Variants in AKAP7 observed in about 807,000 individuals in gnomAD.
AKAP7 encodes the protein A kinase (PRKA) anchor protein 7.
Under a neutral mutation model 39.5 loss-of-function variants are expected in AKAP7, and 39 were observed. That is an observed-to-expected ratio of 0.99 (90% CI 0.76 to 1.29). The LOEUF (loss-of-function observed/expected upper bound fraction) is 1.29, where lower values mean the gene tolerates loss of function less well. Ranked by LOEUF, AKAP7 falls within the 50% of genes most tolerant of loss-of-function variation. The pLI, the probability that AKAP7 is intolerant of heterozygous loss-of-function variation, is 0.00. For synonymous variants in AKAP7, 140 were observed against 139.1 expected (o/e 1.01, Z -0.05); for missense variants, 414 against 407.7 (o/e 1.02, Z -0.13).
intron 6 of AKAP7, among the ~76,000 whole-genome samples, chr6:131,203,954 CATT>C (rs1318320373): frequency 1.3e-5 from 2 of 152,008 alleles, no homozygotes; most frequent in Non-Finnish European, 2.9e-5. Context: ...GGGTATTAGA[CATT>C]ATAAACCTTC....
intron 7 of AKAP7, among the ~76,000 whole-genome samples, chr6:131,247,006 C>T (rs903966415): frequency 1.3e-5 from 2 of 152,020 alleles, no homozygotes; most frequent in African/African-American, 4.8e-5. Context: ...GCTGAGCTTA[C>T]GTTTTTCACC....
chr6:131,154,837 A>C (rs745930052), intron 2 of AKAP7, among the ~76,000 whole-genome samples: 1 of 152,048 alleles, frequency 6.6e-6, no homozygotes, highest in Non-Finnish European at 1.5e-5. Context: ...TTCATGTATA[A>C]ATCTCCTTTT....
chr6:131,155,058 G>C (rs1802301810), intron 2 of AKAP7, among the ~76,000 whole-genome samples: 1 of 151,154 alleles, frequency 6.6e-6, no homozygotes, highest in African/African-American at 2.4e-5. Flanking sequence ...GCCTCACCCT[G>C]TCATCCACAC....
At position 131,207,491 on chromosome 6, in the gene AKAP7, A is replaced by ATTTTTTTTTTTTTTTTTTTTTTTTTT. The variant is rs531582478; in HGVS notation, c.702+7919_702+7944dup. Among the ~76,000 whole-genome samples, 8 of 78,796 alleles carry ATTTTTTTTTTTTTTTTTTTTTTTTTT rather than the reference A, an allele frequency of 1.0e-4. 2 individuals are homozygous for ATTTTTTTTTTTTTTTTTTTTTTTTTT. Among genetic ancestry groups the ATTTTTTTTTTTTTTTTTTTTTTTTTT allele is most frequent in the Admixed American group, 2.9e-4 (2 of 6,922 alleles). The allele number at this position is 78,796 out of a possible 152,430, so 51.7% of individuals were successfully genotyped here. A position where few individuals can be genotyped will look rare whatever the true frequency, so the allele number is the denominator to read the frequency against. On this transcript the variant is annotated intron_variant, in intron 6 of 7. Coordinates refer to ENST00000431975, the MANE Select transcript of AKAP7 (RefSeq NM_016377.4). ...TGCACACCATGCCTGGCTAATTAAA[A>ATTTTTTTTTTTTTTTTTTTTTTTTTT]TTTTTTTTTTTTTTTTTTTTTTTTT...
chr6:131,241,575 A>ATGTG (rs1285302579), intron 7 of AKAP7, among the ~76,000 whole-genome samples: 5 of 63,782 alleles, frequency 7.8e-5, no homozygotes, highest in South Asian at 4.4e-4. Flanking sequence ...TAGATTATAT[A>ATGTG]TATGTGTGTG....
intron 5 of AKAP7, among the ~76,000 whole-genome samples, chr6:131,186,496 G>C (rs941791055): frequency 3.3e-5 from 5 of 152,024 alleles, no homozygotes; most frequent in African/African-American, 1.2e-4. Flanking sequence ...AATGATCTTG[G>C]CACAGTTGTT....
chr6:131,228,797 G>A (rs569125164), intron 7 of AKAP7, among the ~76,000 whole-genome samples: 1 of 152,164 alleles, frequency 6.6e-6, no homozygotes, highest in East Asian at 1.9e-4. Flanking sequence ...TTTCCATTGG[G>A]TTAACATTTA....
chr6:131,279,899 TAC>T (rs1815067968), intron 7 of AKAP7, among the ~76,000 whole-genome samples: 1 of 152,220 alleles, frequency 6.6e-6, no homozygotes, highest in Non-Finnish European at 1.5e-5. Flanking sequence ...AGAGTCATTA[TAC>T]AAACAGTTCC....
intron 7 of AKAP7, among the ~76,000 whole-genome samples, chr6:131,261,747 G>A (rs766748370): frequency 5.3e-5 from 8 of 152,150 alleles, no homozygotes; most frequent in Non-Finnish European, 1.2e-4. Flanking sequence ...CTTTGCCTCT[G>A]TCGTTCATGT....
At chr6:131,184,156 G>C (rs1179090918) in intron 5 of AKAP7, among the ~76,000 whole-genome samples, 1 of 152,220 alleles carries the variant, frequency 6.6e-6, no homozygotes, top group Non-Finnish European at 1.5e-5. Flanking sequence ...GCCAGAGGTG[G>C]CCAGAGCTGC....
chr6:131,191,701 G>A (rs371358301), intron 5 of AKAP7, among the ~76,000 whole-genome samples: 21 of 152,198 alleles, frequency 1.4e-4, no homozygotes, highest in African/African-American at 4.8e-4. Context: ...AACAGTTTTG[G>A]CCCTTTGTGT....
chr6:131,259,752 C>T (rs1813152451), intron 7 of AKAP7, among the ~76,000 whole-genome samples: 1 of 152,050 alleles, frequency 6.6e-6, no homozygotes, highest in Non-Finnish European at 1.5e-5. Flanking sequence ...GCAGAATTTT[C>T]AAACTATTTT....
At chr6:131,239,450 G>T (rs560409886) in intron 7 of AKAP7, among the ~76,000 whole-genome samples, 2 of 152,178 alleles carry the variant, frequency 1.3e-5, no homozygotes, top group South Asian at 4.2e-4. Context: ...TTGAATATTT[G>T]CTTGCCTTGC....
chr6:131,155,273 C>T (rs190483543), intron 2 of AKAP7, among the ~76,000 whole-genome samples: 7 of 152,290 alleles, frequency 4.6e-5, no homozygotes, highest in Non-Finnish European at 7.4e-5. Context: ...CTAGGTCTCA[C>T]AAAGTGCTAA....
chr6:131,248,112 A>T (rs960760557), intron 7 of AKAP7, among the ~76,000 whole-genome samples: 2 of 152,202 alleles, frequency 1.3e-5, no homozygotes, highest in Non-Finnish European at 2.9e-5. Flanking sequence ...TAGGGCACAA[A>T]ATTGGAAGAG....
At position 131,136,226 on chromosome 6, in the gene AKAP7, A is replaced by G. The variant is rs75598066; in HGVS notation, c.19+444A>G. Among the ~76,000 whole-genome samples, 271 of 152,328 alleles carry G rather than the reference A, an allele frequency of 1.8e-3. 1 individual carries two copies. Among genetic ancestry groups the G allele is most frequent in the African/African-American group, 6.2e-3 (259 of 41,584 alleles). On this transcript the variant is annotated intron_variant, in intron 1 of 7. Transcript: ENST00000431975. ...ACTGTCTCATTTAGGATTTTCTGCC[A>G]GGTTTGGACATGACCGCTTTTAAAA...
At chr6:131,256,926 T>A (rs1424872784) in intron 7 of AKAP7, among the ~76,000 whole-genome samples, 1 of 149,558 alleles carries the variant, frequency 6.7e-6, no homozygotes, top group Non-Finnish European at 1.5e-5. Context: ...AAATAAAAGA[T>A]AAGCAGTGAT....
intron 1 of AKAP7, among the ~76,000 whole-genome samples, chr6:131,141,610 T>A (rs1801034383): frequency 6.6e-6 from 1 of 151,216 alleles, no homozygotes; most frequent in South Asian, 2.1e-4. Flanking sequence ...GTTAGAAGAG[T>A]TTGGAGGGCT....
intron 5 of AKAP7, among the ~76,000 whole-genome samples, chr6:131,180,351 A>C (rs1037346952): frequency 6.6e-6 from 1 of 152,008 alleles, no homozygotes; most frequent in Non-Finnish European, 1.5e-5. Flanking sequence ...CTTTGTCTTT[A>C]TTACCTCCTT....
Sources: allele counts gnomAD v4.1 joint callset (sites outside exome capture counted in the v4.1 genomes callset), GRCh38; gene constraint gnomAD v4.1.1; transcripts MANE v1.5; gene names NCBI Gene and HGNC (gene_info 2026-07-23, HGNC 2026-07-21).